Variants in RBFOX1 observed in about 807,000 individuals in gnomAD.
RBFOX1 encodes the protein RNA binding protein fox-1 homolog 1.
Under a neutral mutation model 57.7 loss-of-function variants are expected in RBFOX1, and 8 were observed. The observed-to-expected ratio is 0.14, with a 90% CI of 0.08 to 0.25. The LOEUF (loss-of-function observed/expected upper bound fraction) is 0.25, where lower values mean the gene tolerates loss of function less well. Among genes scored for constraint, RBFOX1 ranks in the 10% least tolerant of loss-of-function variants. The probability of loss-of-function intolerance (pLI) is 1.00; values close to 1 mark genes in which losing one functional copy is unlikely to be tolerated. For missense variants in RBFOX1, 611 were observed against 548.5 expected (o/e 1.11, Z -1.14); for synonymous variants, 326 against 222.4 (o/e 1.47, Z -4.15).
chr16:6,116,734 A>G (rs1392958779), intron 1 of RBFOX1, among the ~76,000 whole-genome samples: 2 of 152,244 alleles, frequency 1.3e-5, no homozygotes, highest in East Asian at 3.8e-4. Flanking sequence ...TTGCAAGTAC[A>G]CATACCTCAG....
intron 3 of RBFOX1, among the ~76,000 whole-genome samples, chr16:5,640,799 C>G (rs1310176393): frequency 6.6e-6 from 1 of 151,106 alleles, no homozygotes; most frequent in Non-Finnish European, 1.5e-5. Context: ...CATACACACA[C>G]ATATACACAT....
At chr16:7,256,246 C>T (rs558023997) in intron 4 of RBFOX1, among the ~76,000 whole-genome samples, 1 of 152,312 alleles carries the variant, frequency 6.6e-6, no homozygotes, top group Non-Finnish European at 1.5e-5. Flanking sequence ...TCTGTAACCC[C>T]TGCTCCCAAA....
At chr16:5,424,849 C>T (rs1355217869) in intron 1 of RBFOX1, among the ~76,000 whole-genome samples, 1 of 149,616 alleles carries the variant, frequency 6.7e-6, no homozygotes, top group Non-Finnish European at 1.5e-5. Context: ...TTCTTTCTTT[C>T]TCTCTCTCTC....
Position 6,668,235 on chromosome 16 carries a change from C to G in RBFOX1, c.-16+13585C>G, listed in dbSNP as rs552550360. ...ATATTGATTGTGGCGGCACAGAACA[C>G]CTTGTTGATGAGGAGTCTGAGATTG... On this transcript the variant is annotated intron_variant, in intron 3 of 15. Transcript: ENST00000550418. Among the ~76,000 whole-genome samples, 8 of 152,242 alleles carry G rather than the reference C, an allele frequency of 5.3e-5. No homozygotes were observed. The South Asian group carries it at 1.5e-3, about 28-fold the overall frequency.
intron 3 of RBFOX1, among the ~76,000 whole-genome samples, chr16:5,859,352 A>G (rs1218217461): frequency 6.6e-6 from 1 of 152,228 alleles, no homozygotes; most frequent in Non-Finnish European, 1.5e-5. Flanking sequence ...ACAGCTATCC[A>G]TTCTCAATCT....
At chr16:7,695,303 A>G (rs2078446997) in intron 14 of RBFOX1, among the ~76,000 whole-genome samples, 1 of 152,228 alleles carries the variant, frequency 6.6e-6, no homozygotes, top group African/African-American at 2.4e-5. Context: ...CCTTGCTCAT[A>G]GAGCGAAAAT....
At chr16:6,824,215 GC>G (rs2091792043) in intron 3 of RBFOX1, among the ~76,000 whole-genome samples, 1 of 152,196 alleles carries the variant, frequency 6.6e-6, no homozygotes, top group Non-Finnish European at 1.5e-5. Context: ...GACCAGTCTG[GC>G]CAACATGGCG....
chr16:5,363,610 C>T (rs138487883), intron 1 of RBFOX1, among the ~76,000 whole-genome samples: 234 of 152,306 alleles, frequency 1.5e-3, no homozygotes, highest in African/African-American at 5.4e-3. Context: ...CTTTTCCCAA[C>T]ACCTCAGACT....
chr16:7,111,961 T>C (rs145899517), intron 4 of RBFOX1, among the ~76,000 whole-genome samples: 322 of 152,304 alleles, frequency 2.1e-3, no homozygotes, highest in Non-Finnish European at 3.3e-3. Flanking sequence ...CCCTGAATTA[T>C]TGGAGGCTTA....
chr16:5,874,043 C>G (rs1009646011), intron 4 of RBFOX1, among the ~76,000 whole-genome samples: 2 of 152,168 alleles, frequency 1.3e-5, no homozygotes, highest in Admixed American at 6.5e-5. Context: ...TCATGGAAAT[C>G]AAAGAGTAAG....
chr16:6,569,528 T>G (rs1198855844), intron 2 of RBFOX1, among the ~76,000 whole-genome samples: 1 of 152,240 alleles, frequency 6.6e-6, no homozygotes, highest in Non-Finnish European at 1.5e-5. Flanking sequence ...GACAGACCTC[T>G]GAGACGAAGT....
At position 5,373,654 on chromosome 16, in the gene RBFOX1, G is replaced by T. The variant is rs1370677784; in HGVS notation, c.220-93562G>T. On this transcript the variant is annotated intron_variant, in intron 1 of 2. Coordinates refer to the RBFOX1 transcript ENST00000585867. The stretch of plus-strand genomic sequence containing the variant: ...GAATCTCTCTCTGTCACCCAGGCTG[G>T]TGTGCGGTGGTGCGATCTTGGCTCA... Among the ~76,000 whole-genome samples, 9 of 151,852 alleles carry T rather than the reference G, an allele frequency of 5.9e-5. No homozygotes were observed. In the South Asian group the frequency reaches 8.3e-4, roughly 14 times the overall value.
intron 4 of RBFOX1, among the ~76,000 whole-genome samples, chr16:5,989,571 G>C (rs534912643): frequency 6.6e-6 from 1 of 152,140 alleles, no homozygotes; most frequent in South Asian, 2.1e-4. Flanking sequence ...GCAAGGGCTC[G>C]CCGACCTAGA....
chr16:6,938,310 A>G (rs1305922735), intron 3 of RBFOX1, among the ~76,000 whole-genome samples: 1 of 152,188 alleles, frequency 6.6e-6, no homozygotes, highest in African/African-American at 2.4e-5. Flanking sequence ...CGTCACAAGG[A>G]AAGTAAAAAT....
rs549161988 is a variant in RBFOX1 at position 6,821,416 on chromosome 16, T to A, written c.-16+166766T>A. Among the ~76,000 whole-genome samples, 4 of 152,348 alleles carry A rather than the reference T, an allele frequency of 2.6e-5. No homozygotes were observed. In the East Asian group the frequency reaches 7.7e-4, roughly 29 times the overall value. ...ATTGAGGTGTATTCCACATAACTGA[T>A]ATCAATTATTTTTAAGTGAACAATT... On this transcript the variant is annotated intron_variant, in intron 3 of 15. Transcript: ENST00000550418.
chr16:6,368,151 C>T (rs1401643989), intron 2 of RBFOX1, among the ~76,000 whole-genome samples: 2 of 152,166 alleles, frequency 1.3e-5, no homozygotes, highest in African/African-American at 4.8e-5. Flanking sequence ...CTGTTTTTCT[C>T]TCTGAGGTTT....
At chr16:7,410,990 G>T (rs1044660292) in intron 4 of RBFOX1, among the ~76,000 whole-genome samples, 1 of 152,086 alleles carries the variant, frequency 6.6e-6, no homozygotes, top group East Asian at 1.9e-4. Context: ...CTGTCACCCA[G>T]GTTGGAGTAC....
At chr16:6,051,222 A>C (rs1266298795) in intron 1 of RBFOX1, among the ~76,000 whole-genome samples, 6 of 151,756 alleles carry the variant, frequency 4.0e-5, no homozygotes, top group Non-Finnish European at 5.9e-5. Flanking sequence ...ATCTTAAAAG[A>C]GTCTTATCAT....
chr16:6,479,164 C>T (rs183051902), intron 2 of RBFOX1, among the ~76,000 whole-genome samples: 13 of 152,274 alleles, frequency 8.5e-5, no homozygotes, highest in Admixed American at 6.5e-4. Flanking sequence ...TCTAACACTG[C>T]TATAAAGACA....
Sources: gnomAD v4.1 joint callset for allele counts (sites outside exome capture counted in the v4.1 genomes callset) on GRCh38, gnomAD v4.1.1 for gene constraint, MANE v1.5 for transcripts, NCBI Gene and HGNC (gene_info 2026-07-23, HGNC 2026-07-21) for gene names.